Variants in SLC25A26 observed in about 807,000 individuals in gnomAD.
SLC25A26 encodes the protein mitochondrial S-adenosylmethionine carrier protein.
In SLC25A26, 36 loss-of-function variants were observed where a neutral mutation model predicts 37.8. The ratio of observed to expected loss-of-function variants is 0.95; its 90% CI spans 0.73 to 1.26. The LOEUF (loss-of-function observed/expected upper bound fraction) is 1.26. Among genes scored for constraint, SLC25A26 ranks in the 50% most tolerant of loss-of-function variants. SLC25A26 has a pLI of 0.00. For missense variants in SLC25A26, 390 were observed against 331.1 expected, an observed-to-expected ratio of 1.18 and a Z score of -1.38; for synonymous variants, 129 against 122.5, an observed-to-expected ratio of 1.05 and a Z score of -0.35.
At position 66,378,611 on chromosome 3, in the gene SLC25A26, C is replaced by G. The variant is rs1700823592; in HGVS notation, c.*804C>G. On this transcript the variant is annotated 3_prime_UTR_variant, in exon 10 of 10. Transcript: ENST00000354883. ...GGTCACCACACTTAGGGATTTTAGA[C>G]CTTGACTAACAAGCTCCAGGTGTAG... The G allele has an allele frequency of 6.6e-6, 1 of 152,410 alleles. No individual in the cohort carries two copies. The highest frequency in any genetic ancestry group is 2.4e-5 in the African/African-American group (1 of 41,456). The allele number at this position is 152,410 out of a possible 1,614,324, so 9.4% of individuals were successfully genotyped here.
chr3:66,318,566 C>G (rs184288382), intron 5 of SLC25A26, among the ~76,000 whole-genome samples: 1 of 152,030 alleles, frequency 6.6e-6, no homozygotes, highest in East Asian at 1.9e-4. Context: ...AGAATTCACT[C>G]ACCATTTTTG....
At chr3:66,143,172 A>G (rs891955642) in intron 1 of SLC25A26, among the ~76,000 whole-genome samples, 17 of 152,230 alleles carry the variant, frequency 1.1e-4, no homozygotes, top group Non-Finnish European at 1.8e-4. Context: ...AATAAAAAAA[A>G]AAAAATTGCC....
chr3:66,276,456 G>C (rs1406541498), intron 5 of SLC25A26, among the ~76,000 whole-genome samples: 1 of 152,082 alleles, frequency 6.6e-6, no homozygotes, highest in Non-Finnish European at 1.5e-5. Context: ...ACCTGAGTGA[G>C]AGTGGAGCAC....
intron 5 of SLC25A26, among the ~76,000 whole-genome samples, chr3:66,329,367 A>T (rs2075915732): frequency 6.6e-6 from 1 of 152,212 alleles, no homozygotes; most frequent in Non-Finnish European, 1.5e-5. Context: ...TTAGAAAGTC[A>T]TTCAAATTTT....
chr3:66,216,995 C>A (rs1195981994), upstream of SLC25A26, among the ~76,000 whole-genome samples: 1 of 152,126 alleles, frequency 6.6e-6, no homozygotes, highest in Non-Finnish European at 1.5e-5. Flanking sequence ...TAAAAGGATT[C>A]CAGTGGTATC....
intron 1 of SLC25A26, among the ~76,000 whole-genome samples, chr3:66,205,096 C>A (rs2071160287): frequency 6.6e-6 from 1 of 152,174 alleles, no homozygotes; most frequent in South Asian, 2.1e-4. Context: ...TGCAACACAG[C>A]AGTGTTTTAA....
chr3:66,193,080 A>G (rs2070976957), intron 1 of SLC25A26, among the ~76,000 whole-genome samples: 1 of 152,178 alleles, frequency 6.6e-6, no homozygotes, highest in Non-Finnish European at 1.5e-5. Flanking sequence ...TTCTGTTTGT[A>G]TATTTTTAAA....
intron 5 of SLC25A26, among the ~76,000 whole-genome samples, chr3:66,281,201 A>ATTT (rs2074324810): frequency 6.6e-6 from 1 of 152,136 alleles, no homozygotes; most frequent in Admixed American, 6.6e-5. Context: ...ATACCTAAGT[A>ATTT]TTTTGGGGTG....
chr3:66,288,830 G>T (rs782723), intron 5 of SLC25A26, among the ~76,000 whole-genome samples: 9,192 of 152,094 alleles, frequency 0.06, 334 homozygotes, highest in African/African-American at 0.098. Context: ...ATAATCTGTT[G>T]GGTATATACC....
At chr3:66,265,423 A>C (rs1225356961) in intron 5 of SLC25A26, among the ~76,000 whole-genome samples, 1 of 152,252 alleles carries the variant, frequency 6.6e-6, no homozygotes, top group Non-Finnish European at 1.5e-5. Flanking sequence ...CAGATAGGTG[A>C]GATATAAGAG....
At chr3:66,266,738 T>A (rs2073768068) in intron 5 of SLC25A26, among the ~76,000 whole-genome samples, 1 of 152,122 alleles carries the variant, frequency 6.6e-6, no homozygotes, top group Non-Finnish European at 1.5e-5. Flanking sequence ...ATTTTTCTCA[T>A]GATCTTTGCC....
intron 5 of SLC25A26, among the ~76,000 whole-genome samples, chr3:66,293,738 G>A (rs13062248): frequency 3.3e-5 from 5 of 151,986 alleles, no homozygotes; most frequent in African/African-American, 1.2e-4. Context: ...TCTTACGGCT[G>A]TATAGTATTC....
intron 1 of SLC25A26, among the ~76,000 whole-genome samples, chr3:66,223,909 A>G (rs2071615634): frequency 6.6e-6 from 1 of 152,204 alleles, no homozygotes; most frequent in Non-Finnish European, 1.5e-5. Context: ...CAACCTAAAG[A>G]TATTTATATA....
At chr3:66,192,102 G>A (rs1345170096) in intron 1 of SLC25A26, among the ~76,000 whole-genome samples, 1 of 151,854 alleles carries the variant, frequency 6.6e-6, no homozygotes, top group Non-Finnish European at 1.5e-5. Context: ...AGATCACGAG[G>A]TCAGGAGTTC....
chr3:66,361,472 A>G (rs903068733), intron 6 of SLC25A26, among the ~76,000 whole-genome samples: 1 of 152,238 alleles, frequency 6.6e-6, no homozygotes, highest in African/African-American at 2.4e-5. Flanking sequence ...AAAAGAATGA[A>G]AAGGCAAGAC....
At chr3:66,347,824 A>G (rs1244445334) in intron 6 of SLC25A26, among the ~76,000 whole-genome samples, 1 of 152,232 alleles carries the variant, frequency 6.6e-6, no homozygotes, top group Non-Finnish European at 1.5e-5. Flanking sequence ...TGTTCTTTGT[A>G]GGGACATGGA....
chr3:66,242,247 TAG>T (rs1456298587), intron 2 of SLC25A26, among the ~76,000 whole-genome samples: 1 of 152,102 alleles, frequency 6.6e-6, no homozygotes, highest in Non-Finnish European at 1.5e-5. Flanking sequence ...TGAATGCAAT[TAG>T]AGGTATTATA....
At chr3:66,282,027 C>T (rs553080258) in intron 5 of SLC25A26, among the ~76,000 whole-genome samples, 4 of 85,964 alleles carry the variant, frequency 4.7e-5, no homozygotes, top group Middle Eastern at 0.012. Flanking sequence ...TTTTTTGAGA[C>T]GGAGTCTCGC....
chr3:66,229,730 C>T (rs1215195827), intron 1 of SLC25A26, among the ~76,000 whole-genome samples: 3 of 152,088 alleles, frequency 2.0e-5, no homozygotes, highest in Admixed American at 6.5e-5. Context: ...AAGTTGAAAC[C>T]GAAGCTAAAT....
Sources: gnomAD v4.1 joint callset for allele counts (sites outside exome capture counted in the v4.1 genomes callset) on GRCh38, gnomAD v4.1.1 for gene constraint, MANE v1.5 for transcripts, NCBI Gene and HGNC (gene_info 2026-07-23, HGNC 2026-07-21) for gene names.